AGAP1: variants seen among roughly 807,000 people sequenced by gnomAD.
AGAP1 encodes ArfGAP with GTPase domain, ankyrin repeat and PH domain 1, also known as arf-GAP with GTPase, ANK repeat and PH domain-containing protein 1.
Under a neutral mutation model 105.3 loss-of-function variants are expected in AGAP1, and 29 were observed. That is an observed-to-expected ratio of 0.28 (90% confidence interval 0.21 to 0.38). The LOEUF is 0.38. Among genes scored for constraint, AGAP1 ranks in the 10% least tolerant of loss-of-function variants. The pLI is 1.00. For missense variants in AGAP1, 998 were observed against 1,165.1 expected (o/e 0.86, Z 2.09); for synonymous variants, 509 against 485.9 (o/e 1.05, Z -0.63).
intron 1 of AGAP1, among the ~76,000 whole-genome samples, chr2:235,513,259 G>T (rs1303205166): frequency 1.2e-5 from 1 of 85,196 alleles, no homozygotes; most frequent in South Asian, 3.7e-4. Context: ...GGTGGCTCAT[G>T]CCTGTAATCC....
chr2:235,634,754 A>C (rs1269587748), intron 1 of AGAP1, among the ~76,000 whole-genome samples: 4 of 152,158 alleles, frequency 2.6e-5, no homozygotes, highest in Non-Finnish European at 5.9e-5. Context: ...TGAGAACACT[A>C]ATTTTTTTTA....
At chr2:235,853,297 C>A in intron 9 of AGAP1, 1 of 878,808 alleles carries the variant, frequency 1.1e-6, no homozygotes, top group Non-Finnish European at 1.4e-6. Context: ...AAATATCTGA[C>A]TCAGGCAGGT....
At position 235,723,440 on chromosome 2, in the gene AGAP1, T is replaced by A. The variant is rs564761700; in HGVS notation, c.310+5796T>A. On this transcript the variant is annotated intron_variant, in intron 3 of 17. Transcript: ENST00000304032. This position sits in a 1 kb window ranked among gnomAD's most constrained non-coding sequence, Gnocchi z 6.2. ...GGACATTAGATAGGAAATGTGGACC[T>A]GCCCAAGACACTTCACCCCCTGCAG... Among the ~76,000 whole-genome samples the A allele has an allele frequency of 2.0e-4, 31 of 152,318 alleles. No individual in the cohort carries two copies. The South Asian group carries it at 6.2e-3, about 31-fold the overall frequency.
intron 9 of AGAP1, among the ~76,000 whole-genome samples, chr2:235,857,591 A>G (rs989951734): frequency 3.3e-5 from 5 of 152,210 alleles, no homozygotes; most frequent in African/African-American, 4.8e-5. Context: ...CACCAAGAAC[A>G]TGGATGCATT....
chr2:235,528,184 A>G (rs72984687), intron 1 of AGAP1, among the ~76,000 whole-genome samples: 16,378 of 152,168 alleles, frequency 0.11, 974 homozygotes, highest in Non-Finnish European at 0.13. Flanking sequence ...TTACCCTCTA[A>G]GGAGAATAGA....
Position 235,977,361 on chromosome 2 carries a change from G to A in AGAP1, c.1645+8738G>A, listed in dbSNP as rs1377047404. On this transcript the variant is annotated intron_variant, in intron 13 of 17. Coordinates refer to ENST00000304032, the MANE Select transcript of AGAP1 (RefSeq NM_001037131.3). This position sits in a 1 kb window ranked among gnomAD's most constrained non-coding sequence, Gnocchi z 5.2. Reference sequence around the variant, plus strand: ...TTGGACCAAGGTCCTGAAGCCAGAAGAGGGGCTGGTTCTAGCGGCCAGTGC... The same window carrying A: ...TTGGACCAAGGTCCTGAAGCCAGAAAAGGGGCTGGTTCTAGCGGCCAGTGC... 6.6e-6 allele frequency among the ~76,000 whole-genome samples: 1 copy of A among 152,182 alleles called. No homozygotes were observed. The highest frequency in any genetic ancestry group is 1.5e-5 in the Non-Finnish European group (1 of 68,036).
At position 236,119,587 on chromosome 2, in the gene AGAP1, G is replaced by T. The variant is rs1205343021; in HGVS notation, c.2115-605G>T. Among the ~76,000 whole-genome samples, 3 of 114,176 alleles carry T rather than the reference G, an allele frequency of 2.6e-5. No homozygotes were observed. Among genetic ancestry groups the T allele is most frequent in the African/African-American group, 1.0e-4 (3 of 28,738 alleles). 74.9% of individuals were successfully genotyped at this position (114,176 alleles called of 152,430 possible). On this transcript the variant is annotated intron_variant, in intron 16 of 17. Transcript: ENST00000304032. This position sits in a 1 kb window ranked among gnomAD's most constrained non-coding sequence, Gnocchi z 6.6. ...CCGGCTGTCCCTTCCCCCCACCCCC[G>T]GCCCAGCTCCAGCCAAGTGTCCTAT...
intron 6 of AGAP1, among the ~76,000 whole-genome samples, chr2:235,760,588 T>G (rs893665683): frequency 2.0e-5 from 3 of 152,190 alleles, no homozygotes; most frequent in African/African-American, 7.2e-5. Flanking sequence ...TTTCTTTTTA[T>G]TATTATTTCT....
At chr2:235,696,321 C>T (rs760195174) in intron 1 of AGAP1, among the ~76,000 whole-genome samples, 19 of 152,250 alleles carry the variant, frequency 1.2e-4, no homozygotes, top group Non-Finnish European at 2.4e-4. Context: ...GTTGGGATTA[C>T]AGGCGTGAGC....
intron 1 of AGAP1, among the ~76,000 whole-genome samples, chr2:235,683,036 T>A (rs1275900730): frequency 6.6e-6 from 1 of 152,092 alleles, no homozygotes; most frequent in Non-Finnish European, 1.5e-5. Context: ...GCCGGTGCGG[T>A]GGCTTAATTC....
rs150512542 is a variant in AGAP1 at position 236,060,045 on chromosome 2, C to T, written c.2114+10764C>T. ...GTTGGAGGTTGCAGTGAGCCGAGATCGCACCACTGCACTCCAGCCTGGGTG... is the reference window on the plus strand; with the variant it reads ...GTTGGAGGTTGCAGTGAGCCGAGATTGCACCACTGCACTCCAGCCTGGGTG... On this transcript the variant is annotated intron_variant, in intron 16 of 17. Transcript: ENST00000304032. 4.6e-3 allele frequency among the ~76,000 whole-genome samples: 701 copies of T among 152,236 alleles called. 7 individuals carry two copies. Among genetic ancestry groups the T allele is most frequent in the African/African-American group, 0.016 (662 of 41,534 alleles).
chr2:235,987,473 TC>T (rs1194623794), intron 13 of AGAP1, among the ~76,000 whole-genome samples: 22 of 151,372 alleles, frequency 1.5e-4, no homozygotes, highest in African/African-American at 2.9e-4. Context: ...TTGATTTTTT[TC>T]CCCCCCAAAA....
At chr2:235,811,426 G>C (rs991061670) in intron 9 of AGAP1, among the ~76,000 whole-genome samples, 4 of 152,240 alleles carry the variant, frequency 2.6e-5, no homozygotes, top group African/African-American at 7.2e-5. Flanking sequence ...GGGACACACA[G>C]AACCTCCTCA....
At chr2:236,052,236 G>A (rs957405361) in intron 16 of AGAP1, among the ~76,000 whole-genome samples, 2 of 152,198 alleles carry the variant, frequency 1.3e-5, no homozygotes, top group African/African-American at 2.4e-5. Flanking sequence ...TTCCCAAGGA[G>A]CTCTGGTCCA....
chr2:235,733,145 G>A lies in AGAP1; in HGVS notation c.311-7818G>A, dbSNP rs1559409933. ...TCCAGGTTCCCTTCACCCATCCTGC[G>A]GGGTGGGAGGAATATATCATTGTTC... On this transcript the variant is annotated intron_variant, in intron 3 of 17. Transcript: ENST00000304032. This position sits in a 1 kb window ranked among gnomAD's most constrained non-coding sequence, Gnocchi z 5.0. Among the ~76,000 whole-genome samples the A allele has an allele frequency of 1.3e-5, 2 of 152,190 alleles. No individual in the cohort carries two copies. Among genetic ancestry groups the A allele is most frequent in the Admixed American group, 6.5e-5 (1 of 15,282 alleles).
chr2:235,506,429 G>C (rs1352494085), intron 1 of AGAP1, among the ~76,000 whole-genome samples: 1 of 152,042 alleles, frequency 6.6e-6, no homozygotes, highest in Non-Finnish European at 1.5e-5. Context: ...TGAGGCAGGA[G>C]GATCACTTGA....
chr2:235,981,461 A>ACG lies in AGAP1; in HGVS notation c.1645+12839_1645+12840insGC, dbSNP rs1471464004. On this transcript the variant is annotated intron_variant, in intron 13 of 17. Coordinates refer to ENST00000304032, the MANE Select transcript of AGAP1 (RefSeq NM_001037131.3). The surrounding 1 kb of genome is among the most constrained non-coding windows in gnomAD (Gnocchi z 5.5). Reference sequence around the variant, plus strand: ...TCATGTTCCATGCGTACACACACACACACACACACACACGGTGTTATTTTT... The same window carrying ACG: ...TCATGTTCCATGCGTACACACACACACGCACACACACACACGGTGTTATTTTT... Among the ~76,000 whole-genome samples, 1 of 151,846 alleles carries ACG rather than the reference A, an allele frequency of 6.6e-6. No homozygotes were observed. Among genetic ancestry groups the ACG allele is most frequent in the Non-Finnish European group, 1.5e-5 (1 of 67,964 alleles).
chr2:235,923,778 T>C (rs2052308771), intron 11 of AGAP1, among the ~76,000 whole-genome samples: 1 of 152,242 alleles, frequency 6.6e-6, no homozygotes, highest in Admixed American at 6.5e-5. Flanking sequence ...TGAGCAGTGC[T>C]GCTCTGAACA....
At chr2:236,008,885 C>CTTAG (rs71943898) in intron 13 of AGAP1, among the ~76,000 whole-genome samples, 7 of 152,326 alleles carry the variant, frequency 4.6e-5, no homozygotes, top group South Asian at 4.1e-4. Context: ...ATGAGTTTTA[C>CTTAG]TTAGTTAGGT....
Sources: allele counts gnomAD v4.1 joint callset (sites outside exome capture counted in the v4.1 genomes callset), GRCh38; gene constraint gnomAD v4.1.1; non-coding constraint Gnocchi (gnomAD v3.1); transcripts MANE v1.5; gene names NCBI Gene and HGNC (gene_info 2026-07-23, HGNC 2026-07-21).